Variants in BYSL observed in about 807,000 individuals in gnomAD.
BYSL encodes the protein bystin.
Under a neutral mutation model 45.4 loss-of-function variants are expected in BYSL, and 21 were observed. The observed-to-expected ratio is 0.46, with a 90% CI of 0.33 to 0.67. The LOEUF is 0.67. Among genes scored for constraint, BYSL ranks in the 30% least tolerant of loss-of-function variants. BYSL has a pLI of 0.02. For synonymous variants in BYSL, 215 were observed against 231.3 expected (o/e 0.93, Z 0.64); for missense variants, 522 against 578.5 (o/e 0.90, Z 1.00).
At chr6:41,930,608 T>C (rs762627752) in intron 3 of BYSL, 27 bp from the exon 4 acceptor site, 7 of 1,590,810 alleles carry the variant, frequency 4.4e-6, no homozygotes, top group Non-Finnish European at 6.0e-6. Flanking sequence ...TGGATGACGA[T>C]GATTGTTTTA....
At chr6:41,920,561 G>C (rs943714514), upstream of BYSL, among the ~76,000 whole-genome samples, 10 of 152,034 alleles carry the variant, frequency 6.6e-5, no homozygotes, top group African/African-American at 2.2e-4. Context: ...GGGATAAAAA[G>C]TTTGCTTTGT....
At chr6:41,931,107 G>A (rs1463667764) in intron 4 of BYSL, among the ~76,000 whole-genome samples, 4 of 81,608 alleles carry the variant, frequency 4.9e-5, no homozygotes, top group Non-Finnish European at 7.8e-5. Context: ...GACTGCCCAG[G>A]CATGCTCAGG....
At chr6:41,923,367 G>A (rs1044013690) in intron 1 of BYSL, among the ~76,000 whole-genome samples, 11 of 150,916 alleles carry the variant, frequency 7.3e-5, no homozygotes, top group African/African-American at 2.7e-4. Flanking sequence ...CGCAATCTTG[G>A]CTCACTGCAA....
chr6:41,910,497 C>T, the BYSL span, among the ~76,000 whole-genome samples: 6 of 151,354 alleles, frequency 4.0e-5, no homozygotes, highest in East Asian at 2.0e-4. Context: ...CTGGGTGTGG[C>T]GGTGCACGCC....
Position 41,926,112 on chromosome 6 carries a change from C to G in BYSL, c.269-1262C>G, listed in dbSNP as rs1054418646. Among the ~76,000 whole-genome samples, 4 of 152,324 alleles carry G rather than the reference C, an allele frequency of 2.6e-5. No homozygotes were observed. The East Asian group carries it at 7.7e-4, about 29-fold the overall frequency. On this transcript the variant is annotated intron_variant, in intron 1 of 6. Coordinates refer to ENST00000230340, the MANE Select transcript of BYSL (RefSeq NM_004053.4). ...ATTTCTTGCTATTGCCTAGGAGACT[C>G]TTATATCCAAGCCTTATTTTCTCTG...
At chr6:41,926,485 T>C (rs1352408888) in intron 1 of BYSL, among the ~76,000 whole-genome samples, 3 of 152,014 alleles carry the variant, frequency 2.0e-5, no homozygotes, top group South Asian at 4.1e-4. Flanking sequence ...GGAGTCTCGC[T>C]TTGTCACCAG....
Position 41,927,420 on chromosome 6 carries a change from G to T in BYSL, c.315G>T (p.Trp105Cys), listed in dbSNP as rs1426271058. 1 of 1,614,154 alleles carries T rather than the reference G, an allele frequency of 6.2e-7. No individual in the cohort carries two copies. Among genetic ancestry groups the T allele is most frequent in the East Asian group, 2.2e-5 (1 of 44,878 alleles). Residue 105 changes from tryptophan (W) to cysteine (C), a missense_variant, in exon 2 of 7, where the codon TGG (tryptophan) becomes TGT (cysteine). By Grantham distance (215) the Trp-to-Cys change is radical. Transcript: ENST00000230340. Reference protein sequence around the residue: ...QDGSDDEDEEWPTLEKAATMT... With the variant: ...QDGSDDEDEECPTLEKAATMT... ...GATCAGATGACGAGGACGAGGAGTG[G>T]CCCACCCTGGAGAAGGCTGCCACAA...
intron 1 of BYSL, among the ~76,000 whole-genome samples, chr6:41,923,726 C>T (rs1266806002): frequency 2.0e-5 from 3 of 152,148 alleles, no homozygotes; most frequent in Non-Finnish European, 2.9e-5. Flanking sequence ...TGAGCTACTG[C>T]ACCCTGCCGT....
chr6:41,927,258 C>A, intron 1 of BYSL, 116 bp from the exon 2 acceptor site: 2 of 1,291,540 alleles, frequency 1.5e-6, no homozygotes, highest in Non-Finnish European at 2.2e-6. Context: ...ACTGCACATA[C>A]CTGCGTCTAT....
At chr6:41,931,155 G>A (rs1046554573) in intron 4 of BYSL, among the ~76,000 whole-genome samples, 24 of 83,228 alleles carry the variant, frequency 2.9e-4, no homozygotes, top group African/African-American at 1.2e-3. Context: ...CAGTTTGCAC[G>A]AGCTCTGGCT....
intron 1 of BYSL, among the ~76,000 whole-genome samples, chr6:41,922,432 A>G (rs1300707745): frequency 6.6e-6 from 1 of 152,224 alleles, no homozygotes; most frequent in African/African-American, 2.4e-5. Flanking sequence ...TTTTCTCACT[A>G]GGGAGGGAGT....
chr6:41,931,181 G>C (rs1203996844), intron 4 of BYSL, among the ~76,000 whole-genome samples: 1 of 90,466 alleles, frequency 1.1e-5, no homozygotes, highest in Admixed American at 9.7e-5. Flanking sequence ...ACAGACAAAC[G>C]GTGCTCCTCA....
At chr6:41,928,268 G>A (rs1209716038) in intron 2 of BYSL, among the ~76,000 whole-genome samples, 1 of 152,172 alleles carries the variant, frequency 6.6e-6, no homozygotes, top group Admixed American at 6.5e-5. Context: ...CTGACCCTGT[G>A]ATATTAACAT....
intron 2 of BYSL, 35 bp from the exon 3 acceptor site, chr6:41,930,097 C>G: frequency 6.2e-7 from 1 of 1,612,874 alleles, no homozygotes; most frequent in Non-Finnish European, 8.5e-7. Context: ...CTCCTTGCCC[C>G]CTCTCTCCCC....
chr6:41,909,922 G>T, the BYSL span, among the ~76,000 whole-genome samples: 1 of 152,038 alleles, frequency 6.6e-6, no homozygotes, highest in African/African-American at 2.4e-5. Context: ...CAGCATTTGG[G>T]CATGCCAAAG....
the BYSL span, among the ~76,000 whole-genome samples, chr6:41,913,985 A>G: frequency 9.2e-5 from 14 of 151,846 alleles, no homozygotes. Context: ...AAGTACTATG[A>G]TTATCTTCAT....
At chr6:41,922,816 A>G (rs115316195) in intron 1 of BYSL, among the ~76,000 whole-genome samples, 2,446 of 152,306 alleles carry the variant, frequency 0.016, 60 homozygotes, top group African/African-American at 0.055. Flanking sequence ...TAACATGTAC[A>G]AAACAGAAAT....
chr6:41,911,443 G>A, the BYSL span, among the ~76,000 whole-genome samples: 59 of 152,012 alleles, frequency 3.9e-4, 1 homozygote, highest in African/African-American at 1.3e-3. Context: ...GAGCCGCCAC[G>A]CCCAGCTGAG....
chr6:41,909,029 A>G, the BYSL span: 2 of 531,210 alleles, frequency 3.8e-6, no homozygotes, highest in Admixed American at 3.5e-5. Flanking sequence ...CTAAAAAAAA[A>G]AAAAAATTTA....
Sources: allele counts gnomAD v4.1 joint callset (sites outside exome capture counted in the v4.1 genomes callset), GRCh38; gene constraint gnomAD v4.1.1; transcripts MANE v1.5; gene names NCBI Gene and HGNC (gene_info 2026-07-23, HGNC 2026-07-21).